Variants in LITAF observed in about 807,000 individuals in gnomAD.
LITAF encodes lipopolysaccharide-induced tumor necrosis factor-alpha factor.
In LITAF, 9 loss-of-function variants were observed where a neutral mutation model predicts 14.5. The ratio of observed to expected loss-of-function variants is 0.62; its 90% CI spans 0.37 to 1.08. LITAF has a LOEUF of 1.08. Ranked by LOEUF, LITAF falls within the 50% of genes least tolerant of loss-of-function variation. LITAF has a pLI of 0.01. For synonymous variants in LITAF, 98 were observed against 88.2 expected (o/e 1.11, Z -0.62); for missense variants, 206 against 213.4 (o/e 0.97, Z 0.22).
intron 3 of LITAF, among the ~76,000 whole-genome samples, chr16:11,607,746 G>C (rs893296648): frequency 6.6e-6 from 1 of 152,110 alleles, no homozygotes; most frequent in Non-Finnish European, 1.5e-5. Flanking sequence ...CACCAGACCA[G>C]GGTTCATCAA....
At chr16:11,606,715 A>T (rs543399255) in intron 3 of LITAF, among the ~76,000 whole-genome samples, 2 of 151,810 alleles carry the variant, frequency 1.3e-5, no homozygotes. Flanking sequence ...GCTCACTGCA[A>T]CCTCTGCCTC....
intron 1 of LITAF, among the ~76,000 whole-genome samples, chr16:11,584,620 G>C (rs937705901): frequency 7.9e-5 from 12 of 151,990 alleles, no homozygotes; most frequent in Non-Finnish European, 1.5e-5. Context: ...ATGTGCTCAG[G>C]CCTCAGTTTT....
chr16:11,619,444 G>A (rs781601399), intron 3 of LITAF, among the ~76,000 whole-genome samples: 2 of 152,198 alleles, frequency 1.3e-5, no homozygotes, highest in Non-Finnish European at 2.9e-5. Context: ...TTCACCCTGT[G>A]GCAAGAAGCT....
At chr16:11,613,643 T>C (rs1051810353) in intron 3 of LITAF, among the ~76,000 whole-genome samples, 1 of 152,178 alleles carries the variant, frequency 6.6e-6, no homozygotes, top group African/African-American at 2.4e-5. Flanking sequence ...GAAGTGGCTC[T>C]TGTTGAAGGC....
At position 11,548,616 on chromosome 16, in the gene LITAF, T is replaced by C. The variant is rs1744937207; in HGVS notation, c.*1021A>G. On this transcript the variant is annotated 3_prime_UTR_variant, in exon 4 of 4. Transcript: ENST00000622633. The stretch of plus-strand genomic sequence containing the variant: ...TTTTTTTTTTTTAAGTGAGACTACA[T>C]TGGCAAATGGGAAAATGACACCAAT... The C allele has an allele frequency of 2.2e-6, 1 of 451,062 alleles. No homozygotes were observed. The highest frequency in any genetic ancestry group is 2.4e-5 in the Admixed American group (1 of 42,128). The allele number at this position is 451,062 out of a possible 1,614,324, so 27.9% of individuals were successfully genotyped here.
At chr16:11,630,360 T>C (rs540644988) in intron 3 of LITAF, among the ~76,000 whole-genome samples, 1 of 152,162 alleles carries the variant, frequency 6.6e-6, no homozygotes, top group Non-Finnish European at 1.5e-5. Flanking sequence ...TTGAAACTGC[T>C]TTAAACTCGC....
chr16:11,553,179 G>A lies in LITAF; in HGVS notation c.377+354C>T, dbSNP rs2064207830. On this transcript the variant is annotated intron_variant, in intron 3 of 3. Transcript: ENST00000622633. The surrounding 1 kb of genome is among the most constrained non-coding windows in gnomAD (Gnocchi z 7.7). ...CACACCTGTAACCCCAGCAGTTTGG[G>A]AGGCCAAGGTGGGCAGATCACCTGA... 1.3e-5 allele frequency among the ~76,000 whole-genome samples: 2 copies of A among 151,940 alleles called. No homozygotes were observed. The highest frequency in any genetic ancestry group is 1.3e-4 in the Admixed American group (2 of 15,256).
chr16:11,554,221 C>T (rs986356307), intron 2 of LITAF, among the ~76,000 whole-genome samples: 3 of 151,526 alleles, frequency 2.0e-5, no homozygotes, highest in Non-Finnish European at 2.9e-5. Context: ...AACAGAGCGA[C>T]GCTCAGTCCC....
intron 3 of LITAF, among the ~76,000 whole-genome samples, chr16:11,614,672 T>C (rs1306771431): frequency 6.6e-6 from 1 of 152,176 alleles, no homozygotes; most frequent in African/African-American, 2.4e-5. Flanking sequence ...CAACTTCAGC[T>C]CACTGCAACC....
upstream of LITAF, among the ~76,000 whole-genome samples, chr16:11,601,261 C>T (rs980477155): frequency 3.3e-5 from 5 of 151,978 alleles, no homozygotes; most frequent in African/African-American, 7.3e-5. Context: ...TTCCCACCTC[C>T]CCACCCTTCT....
At chr16:11,620,489 G>T (rs1009896643) in intron 3 of LITAF, among the ~76,000 whole-genome samples, 1 of 152,060 alleles carries the variant, frequency 6.6e-6, no homozygotes, top group African/African-American at 2.4e-5. Flanking sequence ...CATACTTCCT[G>T]TACAGCCTGC....
intron 3 of LITAF, among the ~76,000 whole-genome samples, chr16:11,615,035 G>A (rs1354566175): frequency 2.6e-5 from 4 of 152,282 alleles, no homozygotes; most frequent in Admixed American, 1.3e-4. Flanking sequence ...CAGCTGGCAC[G>A]GGGTGGATGA....
At chr16:11,563,201 C>T (rs550244959) in intron 1 of LITAF, among the ~76,000 whole-genome samples, 8 of 151,908 alleles carry the variant, frequency 5.3e-5, no homozygotes, top group Admixed American at 3.3e-4. Context: ...TAGACTGGAA[C>T]GCAGTGGCGT....
At chr16:11,615,229 G>C (rs1163443694) in intron 3 of LITAF, among the ~76,000 whole-genome samples, 7 of 152,108 alleles carry the variant, frequency 4.6e-5, no homozygotes, top group Non-Finnish European at 1.0e-4. Flanking sequence ...AATGGCATGG[G>C]CAACAACTCA....
In LITAF at chr16:11,559,242, C is replaced by T. The variant is rs113072041; in HGVS notation, c.-5-2507G>A. Among the ~76,000 whole-genome samples the T allele has an allele frequency of 3.0e-3, 458 of 152,022 alleles. 3 individuals are homozygous for T. The highest frequency in any genetic ancestry group is 0.01 in the African/African-American group (432 of 41,456). ...CTGCACTCTAGCCTGGGTGACAGAG[C>T]GACACTCTATGTCTAAAAGAAAAAA... On this transcript the variant is annotated intron_variant, in intron 1 of 3. Transcript: ENST00000622633.
intron 3 of LITAF, among the ~76,000 whole-genome samples, chr16:11,614,113 C>G (rs1171815648): frequency 6.6e-6 from 1 of 152,092 alleles, no homozygotes; most frequent in Non-Finnish European, 1.5e-5. Flanking sequence ...CTCTCTCACT[C>G]TCCTTTCTCC....
At chr16:11,615,883 T>G (rs1279175010) in intron 3 of LITAF, among the ~76,000 whole-genome samples, 1 of 152,110 alleles carries the variant, frequency 6.6e-6, no homozygotes, top group East Asian at 1.9e-4. Context: ...TAGATAGCTT[T>G]GGAATGCTTA....
rs1284687194 is a variant in LITAF, at chr16:11,632,385, C to T, written c.85+1148G>A. On this transcript the variant is annotated intron_variant, in intron 3 of 3. Transcript: ENST00000574848. This position sits in a 1 kb window ranked among gnomAD's most constrained non-coding sequence, Gnocchi z 4.8. Reference sequence around the variant, plus strand: ...GAAGGAGGCACCGAGATGACAGAGACAGGGAGAGGGACAGAGACAGGGAGA... The same window carrying T: ...GAAGGAGGCACCGAGATGACAGAGATAGGGAGAGGGACAGAGACAGGGAGA... 6.6e-6 allele frequency among the ~76,000 whole-genome samples: 1 copy of T among 151,930 alleles called. No individual in the cohort carries two copies. Among genetic ancestry groups the T allele is most frequent in the Non-Finnish European group, 1.5e-5 (1 of 67,972 alleles).
intron 3 of LITAF, among the ~76,000 whole-genome samples, chr16:11,612,754 A>C (rs148041120): frequency 6.6e-6 from 1 of 152,244 alleles, no homozygotes; most frequent in Non-Finnish European, 1.5e-5. Context: ...CGGAGGGACG[A>C]GGACAGACTG....
Sources: allele counts gnomAD v4.1 joint callset (sites outside exome capture counted in the v4.1 genomes callset), GRCh38; gene constraint gnomAD v4.1.1; non-coding constraint Gnocchi (gnomAD v3.1); transcripts MANE v1.5; gene names NCBI Gene and HGNC (gene_info 2026-07-23, HGNC 2026-07-21).